CEMIP2: variants seen among roughly 807,000 people sequenced by gnomAD.
CEMIP2 encodes the protein cell migration inducing hyaluronidase 2, also known as cell surface hyaluronidase CEMIP2.
In CEMIP2, 79 loss-of-function variants were observed where a neutral mutation model predicts 146.9. That is an observed-to-expected ratio of 0.54 (90% CI 0.45 to 0.65). The LOEUF is 0.65. CEMIP2 is among the 30% of genes least tolerant of loss of function. CEMIP2 has a pLI of 0.00. For synonymous variants in CEMIP2, 601 were observed against 606.3 expected (o/e 0.99, Z 0.13); for missense variants, 1,596 against 1,696.2 (o/e 0.94, Z 1.04).
intron 18 of CEMIP2, among the ~76,000 whole-genome samples, 196 bp from the exon 19 acceptor site, chr9:71,701,020 C>T (rs1822544456): frequency 6.6e-6 from 1 of 152,162 alleles, no homozygotes. Context: ...AACAAATCAC[C>T]CACCTTCATC....
intron 4 of CEMIP2, among the ~76,000 whole-genome samples, 154 bp from the exon 5 acceptor site, chr9:71,740,386 T>A (rs1326555962): frequency 6.6e-6 from 1 of 152,234 alleles, no homozygotes; most frequent in Non-Finnish European, 1.5e-5. Flanking sequence ...TTCCAAACCT[T>A]GACTGCACCT....
intron 4 of CEMIP2, among the ~76,000 whole-genome samples, chr9:71,740,863 C>T (rs569480191): frequency 3.9e-5 from 6 of 152,132 alleles, no homozygotes; most frequent in African/African-American, 2.4e-5. Flanking sequence ...AACTTCAGTA[C>T]GCATCAGGAT....
At chr9:71,705,327 A>T (rs1435817994) in intron 17 of CEMIP2, among the ~76,000 whole-genome samples, 1 of 152,194 alleles carries the variant, frequency 6.6e-6, no homozygotes, top group East Asian at 1.9e-4. Context: ...CTGTGCAACA[A>T]CTGAAAAAAC....
chr9:71,761,031 G>T (rs576918686), intron 1 of CEMIP2, among the ~76,000 whole-genome samples: 1 of 152,216 alleles, frequency 6.6e-6, no homozygotes, highest in Non-Finnish European at 1.5e-5. Context: ...TGGCTGGGAA[G>T]ATTCAAGAGA....
rs5898223 is a variant in CEMIP2 at position 71,699,452 on chromosome 9, T to TAA, written c.3377+1188_3377+1189dup. The TAA allele has an allele frequency of 7.6e-3, 2,880 of 376,548 alleles. 3 individuals carry two copies. Among genetic ancestry groups the TAA allele is most frequent in the South Asian group, 9.0e-3 (460 of 51,172 alleles). The allele number at this position is 376,548 out of a possible 1,614,324, so 23.3% of individuals were successfully genotyped here. On this transcript the variant is annotated intron_variant, in intron 19 of 23. Coordinates refer to ENST00000377044, the MANE Select transcript of CEMIP2 (RefSeq NM_013390.3). ...GGCAACATAGGGATACACCGTCTCT[T>TAA]AAAAAAAAAAAAAGAAAGAAAGAAA...
chr9:71,705,750 CATATATTTAT>C (rs1328390416), intron 17 of CEMIP2, among the ~76,000 whole-genome samples: 3 of 149,498 alleles, frequency 2.0e-5, no homozygotes, highest in South Asian at 2.1e-4. Context: ...TTATGTTTAA[CATATATTTAT>C]ATATATTTAT....
At chr9:71,746,363 A>G in intron 2 of CEMIP2, 22 bp from the exon 3 acceptor site, 1 of 1,612,650 alleles carries the variant, frequency 6.2e-7, no homozygotes, top group East Asian at 2.2e-5. Flanking sequence ...TTGATATTCC[A>G]TCCAACCCAT....
intron 22 of CEMIP2, among the ~76,000 whole-genome samples, 200 bp downstream of exon 22, chr9:71,689,892 C>T (rs1007133204): frequency 6.6e-6 from 1 of 152,136 alleles, no homozygotes; most frequent in African/African-American, 2.4e-5. Context: ...CAAGTTCTGC[C>T]ACAGGTAAGC....
chr9:71,728,281 GTATATATATATATATATATACA>G (rs1354621577), intron 10 of CEMIP2, among the ~76,000 whole-genome samples: 2 of 9,254 alleles, frequency 2.2e-4, no homozygotes, highest in African/African-American at 4.8e-4. Flanking sequence ...ATATATATAT[GTATATATATATATATATATACA>G]TATATATATA....
At chr9:71,693,399 T>A (rs1018156648) in intron 21 of CEMIP2, among the ~76,000 whole-genome samples, 1 of 152,256 alleles carries the variant, frequency 6.6e-6, no homozygotes, top group Non-Finnish European at 1.5e-5. Context: ...GTGTTGACAC[T>A]GCAACTCATG....
rs1164205843 is a variant in CEMIP2 at position 71,728,261 on chromosome 9, G to GTA, written c.2049+1582_2049+1583dup. 8.4e-3 allele frequency among the ~76,000 whole-genome samples: 42 copies of GTA among 5,024 alleles called. 4 individuals are homozygous for GTA. Among genetic ancestry groups the GTA allele is most frequent in the East Asian group, 0.033 (4 of 120 alleles). 3.3% of individuals were successfully genotyped at this position (5,024 alleles called of 152,430 possible). On this transcript the variant is annotated intron_variant, in intron 10 of 23. Transcript: ENST00000377044. ...TATATATATATATATGTATATACAC[G>GTA]TATATATATATATATATATGTATAT...
chr9:71,741,278 C>A lies in CEMIP2; in HGVS notation c.1035-1046G>T, dbSNP rs555667797. Among the ~76,000 whole-genome samples the A allele has an allele frequency of 4.1e-5, 6 of 145,898 alleles. No homozygotes were observed. In the South Asian group the frequency reaches 1.3e-3, roughly 32 times the overall value. On this transcript the variant is annotated intron_variant, in intron 4 of 23. Transcript: ENST00000377044. ...ATGGCGCAATCTCGGCTCACCGCAA[C>A]CTCCTGCCTCCCAGGTTCAAGCAAT... is the stretch of plus-strand genomic sequence containing the variant.
Position 71,750,090 on chromosome 9 carries a change from A to C in CEMIP2, c.284T>G (p.Ile95Ser), listed in dbSNP as rs1824201469. ...TATTCCTAAAATGATTGCAAGTGCA[A>C]TAAAAAATGAGAAACTAGTAATAGC... is the stretch of plus-strand genomic sequence containing the variant. ...CFAITSFSFF[I>S]ALAIILGISS... Residue 95 changes from isoleucine to serine, a missense_variant, in exon 2 of 24, where the codon ATT (isoleucine) becomes AGT (serine). Coordinates refer to ENST00000377044, the MANE Select transcript of CEMIP2 (RefSeq NM_013390.3). 6.2e-7 allele frequency: 1 copy of C among 1,613,178 alleles called. No individual in the cohort carries two copies. Among genetic ancestry groups the C allele is most frequent in the Non-Finnish European group, 8.5e-7 (1 of 1,179,674 alleles).
intron 22 of CEMIP2, 119 bp downstream of exon 22, chr9:71,689,973 T>A: frequency 7.9e-7 from 1 of 1,272,400 alleles, no homozygotes; most frequent in Non-Finnish European, 1.1e-6. Flanking sequence ...AATGAACACC[T>A]TGCATAGTGC....
intron 17 of CEMIP2, among the ~76,000 whole-genome samples, chr9:71,706,755 T>A (rs1352870097): frequency 2.0e-5 from 3 of 152,198 alleles, no homozygotes; most frequent in African/African-American, 7.2e-5. Flanking sequence ...CATGCATGAA[T>A]ACTCATGGCT....
chr9:71,695,637 GCT>G (rs897443394), intron 20 of CEMIP2, among the ~76,000 whole-genome samples: 63 of 152,184 alleles, frequency 4.1e-4, no homozygotes, highest in African/African-American at 1.5e-3. Flanking sequence ...TCGTACCACT[GCT>G]CTCTAGCCTG....
intron 21 of CEMIP2, among the ~76,000 whole-genome samples, chr9:71,690,988 G>A (rs1822209954): frequency 6.6e-6 from 1 of 152,196 alleles, no homozygotes; most frequent in Admixed American, 6.5e-5. Flanking sequence ...CATAGGCACT[G>A]TTCCTGTTTA....
chr9:71,700,591 C>A, intron 19 of CEMIP2, 51 bp downstream of exon 19: 1 of 1,521,534 alleles, frequency 6.6e-7, no homozygotes, highest in East Asian at 2.3e-5. Flanking sequence ...AGCAATTTCA[C>A]CATTAAAGAA....
At chr9:71,693,190 G>A (rs1467851763) in intron 21 of CEMIP2, among the ~76,000 whole-genome samples, 1 of 152,044 alleles carries the variant, frequency 6.6e-6, no homozygotes, top group Non-Finnish European at 1.5e-5. Context: ...TGATTATGTT[G>A]CCCACCACTA....
Sources: allele counts gnomAD v4.1 joint callset (sites outside exome capture counted in the v4.1 genomes callset), GRCh38; gene constraint gnomAD v4.1.1; transcripts MANE v1.5; gene names NCBI Gene and HGNC (gene_info 2026-07-23, HGNC 2026-07-21).